Variants in ITGA2 observed in about 807,000 individuals in gnomAD.
ITGA2 encodes integrin subunit alpha 2, also known as integrin alpha-2.
In ITGA2, 101 loss-of-function variants were observed where a neutral mutation model predicts 146.3. The observed-to-expected ratio is 0.69, with a 90% CI of 0.59 to 0.81. The LOEUF (loss-of-function observed/expected upper bound fraction) is 0.81. Ranked by LOEUF, ITGA2 falls within the 40% of genes least tolerant of loss-of-function variation. ITGA2 has a pLI of 0.00. For synonymous variants in ITGA2, 477 were observed against 487.1 expected, an observed-to-expected ratio of 0.98 and a Z score of 0.27; for missense variants, 1,281 against 1,402.7, an observed-to-expected ratio of 0.91 and a Z score of 1.39.
At chr5:53,045,204 G>C (rs1275728231) in intron 4 of ITGA2, 112 bp downstream of exon 4, 16 of 815,590 alleles carry the variant, frequency 2.0e-5, no homozygotes, top group Non-Finnish European at 2.1e-6. Context: ...CTTGCTTTTT[G>C]ATAAATTATG....
intron 2 of ITGA2, among the ~76,000 whole-genome samples, chr5:53,031,120 ACTCTT>A (rs1292853633): frequency 1.3e-5 from 2 of 152,164 alleles, no homozygotes; most frequent in Non-Finnish European, 2.9e-5. Flanking sequence ...GCCCTTCTCT[ACTCTT>A]AATTTATGAC....
chr5:53,062,592 G>T (rs983199186), intron 12 of ITGA2, among the ~76,000 whole-genome samples, 194 bp from the exon 13 acceptor site: 3 of 151,890 alleles, frequency 2.0e-5, no homozygotes, highest in African/African-American at 7.2e-5. Flanking sequence ...TGCACACTAA[G>T]ATTTAAGAAC....
At chr5:53,018,925 G>A (rs1197709108) in intron 1 of ITGA2, among the ~76,000 whole-genome samples, 1 of 151,968 alleles carries the variant, frequency 6.6e-6, no homozygotes, top group Non-Finnish European at 1.5e-5. Context: ...TTAGCAGGGC[G>A]TGGTGGTACA....
At chr5:52,991,124 G>T (rs960031886) in intron 1 of ITGA2, among the ~76,000 whole-genome samples, 1 of 152,130 alleles carries the variant, frequency 6.6e-6, no homozygotes, top group African/African-American at 2.4e-5. Flanking sequence ...ACACCTCAGG[G>T]CAAGCAAGCA....
chr5:53,074,040 A>G (rs538902459), intron 20 of ITGA2, among the ~76,000 whole-genome samples: 1 of 152,042 alleles, frequency 6.6e-6, no homozygotes, highest in South Asian at 2.1e-4. Flanking sequence ...TGCTTCAAAT[A>G]AATTGAGAAG....
At chr5:53,085,922 T>TC (rs34203930) in intron 27 of ITGA2, among the ~76,000 whole-genome samples, 3 of 151,998 alleles carry the variant, frequency 2.0e-5, no homozygotes, top group Non-Finnish European at 2.9e-5. Context: ...CTTTTTTTTT[T>TC]CCCCCAGACA....
intron 2 of ITGA2, among the ~76,000 whole-genome samples, chr5:53,033,485 A>G (rs1384703759): frequency 6.6e-6 from 1 of 152,080 alleles, no homozygotes; most frequent in Non-Finnish European, 1.5e-5. Context: ...CATCCTTTAT[A>G]TCTCTTTCAA....
At chr5:53,062,042 A>C (rs1744925654) in intron 12 of ITGA2, among the ~76,000 whole-genome samples, 1 of 151,888 alleles carries the variant, frequency 6.6e-6, no homozygotes, top group South Asian at 2.1e-4. Context: ...GTGTTCACAT[A>C]GGCATGCATT....
At chr5:53,047,270 C>A (rs943299122) in intron 4 of ITGA2, among the ~76,000 whole-genome samples, 3 of 152,138 alleles carry the variant, frequency 2.0e-5, no homozygotes, top group Admixed American at 2.0e-4. Flanking sequence ...ATTCTGTAGG[C>A]ATTTTTTAGG....
chr5:53,050,838 A>T (rs1025093070), intron 6 of ITGA2, among the ~76,000 whole-genome samples: 1 of 152,226 alleles, frequency 6.6e-6, no homozygotes, highest in African/African-American at 2.4e-5. Flanking sequence ...CCATATGCAC[A>T]TATAGCATCT....
intron 7 of ITGA2, among the ~76,000 whole-genome samples, chr5:53,054,889 T>C (rs3212517): frequency 0.057 from 8,602 of 152,048 alleles, 303 homozygotes; most frequent in Non-Finnish European, 0.075. Context: ...AAAGAACTTA[T>C]TTATATGACC....
intron 12 of ITGA2, among the ~76,000 whole-genome samples, chr5:53,062,260 T>G (rs1744936359): frequency 6.6e-6 from 1 of 151,894 alleles, no homozygotes; most frequent in Admixed American, 6.6e-5. Flanking sequence ...GAATGATATT[T>G]TAACTTTCTA....
At chr5:53,007,519 A>G (rs891400268) in intron 1 of ITGA2, among the ~76,000 whole-genome samples, 3 of 152,214 alleles carry the variant, frequency 2.0e-5, no homozygotes, top group South Asian at 2.1e-4. Flanking sequence ...GAGAGAGAAA[A>G]AAAAAAGAGA....
intron 28 of ITGA2, among the ~76,000 whole-genome samples, chr5:53,087,848 C>A (rs1740176594): frequency 1.3e-5 from 2 of 152,198 alleles, no homozygotes; most frequent in Admixed American, 1.3e-4. Flanking sequence ...GTTTAAGAGT[C>A]TGCCCCCAAG....
chr5:53,017,614 G>A (rs1742456934), intron 1 of ITGA2, among the ~76,000 whole-genome samples: 1 of 152,204 alleles, frequency 6.6e-6, no homozygotes, highest in Non-Finnish European at 1.5e-5. Flanking sequence ...TGTCAGCTGG[G>A]GTGGGGCTCC....
intron 15 of ITGA2, among the ~76,000 whole-genome samples, chr5:53,066,800 A>G (rs1048571579): frequency 2.0e-5 from 3 of 151,936 alleles, no homozygotes; most frequent in Non-Finnish European, 4.4e-5. Context: ...ACAAGAAAAT[A>G]TATTTACTGA....
intron 1 of ITGA2, among the ~76,000 whole-genome samples, chr5:53,007,198 G>A (rs1741899865): frequency 1.3e-5 from 2 of 152,142 alleles, no homozygotes; most frequent in African/African-American, 2.4e-5. Flanking sequence ...TTGCATAAGT[G>A]TGTCAGGCAA....
chr5:53,047,379 A>G (rs533631470), intron 4 of ITGA2, among the ~76,000 whole-genome samples: 6 of 152,312 alleles, frequency 3.9e-5, no homozygotes, highest in African/African-American at 1.4e-4. Flanking sequence ...ATCATGATTT[A>G]ATCAGGAGTT....
In ITGA2 at chr5:53,064,938, T is replaced by G. The variant is rs1745074735; in HGVS notation, c.1629T>G (p.Leu543=). 2 of 1,612,798 alleles carry G rather than the reference T, an allele frequency of 1.2e-6. No homozygotes were observed. The highest frequency in any genetic ancestry group is 2.7e-5 in the African/African-American group (2 of 74,934). ...GCATTTTGGGTCAGCACCAATTTCT[T>G]GAAGGCCCCGAGGGCATTGAAAACA... ...KEGILGQHQF[L]EGPEGIENTR... is the part of the protein sequence containing the mutation. The change falls in exon 14 of 30, where the codon CTT becomes CTG. Residue 543 remains leucine, a synonymous_variant. Coordinates refer to ENST00000296585, the MANE Select transcript of ITGA2 (RefSeq NM_002203.4).
Sources: allele counts gnomAD v4.1 joint callset (sites outside exome capture counted in the v4.1 genomes callset), GRCh38; gene constraint gnomAD v4.1.1; transcripts MANE v1.5; gene names NCBI Gene and HGNC (gene_info 2026-07-23, HGNC 2026-07-21).